The following EPHA3 variants were observed in gnomAD, a reference collection of about 807,000 sequenced individuals.
EPHA3 encodes the protein ephrin type-A receptor 3.
A neutral mutation model predicts 107.1 loss-of-function variants in EPHA3; 42 were observed. The observed-to-expected ratio is 0.39, with a 90% CI of 0.31 to 0.51. The LOEUF (loss-of-function observed/expected upper bound fraction) is 0.51. Ranked by LOEUF, EPHA3 falls within the 20% of genes least tolerant of loss-of-function variation. The pLI is 0.78. For missense variants in EPHA3, 1,183 were observed against 1,211.2 expected (o/e 0.98, Z 0.35); for synonymous variants, 461 against 424.8 (o/e 1.09, Z -1.05).
At chr3:89,381,354 C>G (rs761410675) in intron 5 of EPHA3, among the ~76,000 whole-genome samples, 10 of 151,952 alleles carry the variant, frequency 6.6e-5, no homozygotes, top group Non-Finnish European at 1.5e-4. Flanking sequence ...ATGTTTCTGT[C>G]CCCTCCACAT....
At chr3:89,136,396 G>A (rs1417289786) in intron 2 of EPHA3, among the ~76,000 whole-genome samples, 1 of 114,984 alleles carries the variant, frequency 8.7e-6, no homozygotes, top group Non-Finnish European at 1.6e-5. Context: ...AAAAAAAAAG[G>A]GAAAACGTGG....
At chr3:89,438,279 T>C (rs1244361934) in intron 13 of EPHA3, among the ~76,000 whole-genome samples, 4 of 151,866 alleles carry the variant, frequency 2.6e-5, no homozygotes, top group Admixed American at 2.6e-4. Flanking sequence ...CGGCTAATTT[T>C]TTTTTGTATT....
chr3:89,289,096 T>C (rs1706155219), intron 3 of EPHA3, among the ~76,000 whole-genome samples: 2 of 152,140 alleles, frequency 1.3e-5, no homozygotes, highest in South Asian at 4.1e-4. Flanking sequence ...CACTGTTACC[T>C]GGATTTTACA....
chr3:89,345,629 T>TA (rs1240572517), intron 5 of EPHA3, among the ~76,000 whole-genome samples: 2,304 of 150,028 alleles, frequency 0.015, 56 homozygotes, highest in African/African-American at 0.05. Flanking sequence ...CTTTTTTTTT[T>TA]TTATACTTTA....
chr3:89,278,326 G>T (rs1200003156), intron 3 of EPHA3, among the ~76,000 whole-genome samples: 1 of 152,178 alleles, frequency 6.6e-6, no homozygotes, highest in East Asian at 1.9e-4. Flanking sequence ...TCTCTGCCCT[G>T]TAGGTGGCTG....
chr3:89,434,637 T>C (rs1413581532), intron 13 of EPHA3, among the ~76,000 whole-genome samples: 1 of 152,202 alleles, frequency 6.6e-6, no homozygotes, highest in Non-Finnish European at 1.5e-5. Context: ...TTTAGATGAT[T>C]CATACTCTGG....
At chr3:89,279,340 C>T (rs962327835) in intron 3 of EPHA3, among the ~76,000 whole-genome samples, 2 of 151,850 alleles carry the variant, frequency 1.3e-5, no homozygotes, top group Admixed American at 6.6e-5. Flanking sequence ...GAGAAAAGGT[C>T]GGTGGCCTGT....
Position 89,168,786 on chromosome 3 carries a change from C to T in EPHA3, c.154-41074C>T, listed in dbSNP as rs1193101771. On this transcript the variant is annotated intron_variant, in intron 2 of 16. Transcript: ENST00000336596. Reference sequence around the variant, plus strand: ...CTATTGCTAGGAAACAAAACCTTCCCTTTACATATGTTAGTATAGAAAATA... The same window carrying T: ...CTATTGCTAGGAAACAAAACCTTCCTTTTACATATGTTAGTATAGAAAATA... 2.6e-5 allele frequency among the ~76,000 whole-genome samples: 4 copies of T among 151,956 alleles called. No individual in the cohort carries two copies. The East Asian group carries it at 5.8e-4, about 22-fold the overall frequency.
chr3:89,440,091 G>A (rs539436956), intron 13 of EPHA3, among the ~76,000 whole-genome samples: 47 of 152,186 alleles, frequency 3.1e-4, no homozygotes, highest in African/African-American at 9.4e-4. Flanking sequence ...TCTCAGTGGC[G>A]CTGAGATTTG....
At chr3:89,456,081 A>T (rs1710092681) in intron 15 of EPHA3, among the ~76,000 whole-genome samples, 1 of 152,344 alleles carries the variant, frequency 6.6e-6, no homozygotes, top group South Asian at 2.1e-4. Context: ...ACATTTCAAA[A>T]GATGCAATTT....
At chr3:89,198,467 G>T (rs1705896844) in intron 2 of EPHA3, among the ~76,000 whole-genome samples, 1 of 149,434 alleles carries the variant, frequency 6.7e-6, no homozygotes, top group African/African-American at 2.5e-5. Flanking sequence ...CTACAGGTTA[G>T]ACCCTTAAAT....
chr3:89,295,496 C>G (rs1336673408), intron 3 of EPHA3, among the ~76,000 whole-genome samples: 1 of 152,150 alleles, frequency 6.6e-6, no homozygotes, highest in Non-Finnish European at 1.5e-5. Flanking sequence ...CACCATAGAA[C>G]TTCTTTCAAA....
rs182644536 is a variant in EPHA3 at position 89,368,795 on chromosome 3, C to T, written c.1306+26705C>T. Among the ~76,000 whole-genome samples the T allele has an allele frequency of 1.3e-3, 189 of 150,312 alleles. 1 individual carries two copies. Among genetic ancestry groups the T allele is most frequent in the African/African-American group, 4.4e-3 (183 of 41,300 alleles). On this transcript the variant is annotated intron_variant, in intron 5 of 16. Coordinates refer to ENST00000336596, the MANE Select transcript of EPHA3 (RefSeq NM_005233.6). The stretch of plus-strand genomic sequence containing the variant: ...AAAATGCCCGTATCTTCTAGAAACA[C>T]CCCCATAGATTCACCCAGAAAAAAC...
At chr3:89,293,818 A>C (rs1046803911) in intron 3 of EPHA3, among the ~76,000 whole-genome samples, 1 of 152,132 alleles carries the variant, frequency 6.6e-6, no homozygotes, top group African/African-American at 2.4e-5. Context: ...TAAATTACCC[A>C]GTCTTAGGTA....
At chr3:89,302,050 G>A (rs192562526) in intron 3 of EPHA3, among the ~76,000 whole-genome samples, 279 of 151,932 alleles carry the variant, frequency 1.8e-3, no homozygotes, top group Middle Eastern at 3.4e-3. Context: ...TGTCCTATGC[G>A]GACAATTTAT....
At chr3:89,422,257 G>A (rs116016185) in intron 11 of EPHA3, among the ~76,000 whole-genome samples, 1,506 of 143,484 alleles carry the variant, frequency 0.01, 20 homozygotes, top group African/African-American at 0.033. Context: ...TCCAAAAGAA[G>A]CTATTTATTC....
At chr3:89,338,289 G>A (rs1027210515) in intron 3 of EPHA3, among the ~76,000 whole-genome samples, 2 of 152,122 alleles carry the variant, frequency 1.3e-5, no homozygotes, top group African/African-American at 2.4e-5. Context: ...TTTTCATGTT[G>A]ATTTATTTGT....
At chr3:89,191,972 T>C (rs1705726127) in intron 2 of EPHA3, among the ~76,000 whole-genome samples, 2 of 152,200 alleles carry the variant, frequency 1.3e-5, no homozygotes, top group Non-Finnish European at 1.5e-5. Context: ...AATGGTTAAA[T>C]AGTAAAACCT....
intron 10 of EPHA3, among the ~76,000 whole-genome samples, chr3:89,418,323 T>A (rs1250486869): frequency 6.6e-6 from 1 of 151,446 alleles, no homozygotes; most frequent in African/African-American, 2.4e-5. Context: ...AACTCCCATG[T>A]GGCAATCATC....
Sources: gnomAD v4.1 joint callset for allele counts (sites outside exome capture counted in the v4.1 genomes callset) on GRCh38, gnomAD v4.1.1 for gene constraint, MANE v1.5 for transcripts, NCBI Gene and HGNC (gene_info 2026-07-23, HGNC 2026-07-21) for gene names.